PPFIA4: variants seen among roughly 807,000 people sequenced by gnomAD.
The protein encoded by PPFIA4 is liprin-alpha-4.
A neutral mutation model predicts 145.7 loss-of-function variants in PPFIA4; 98 were observed. That is an observed-to-expected ratio of 0.67 (90% confidence interval 0.57 to 0.80). The LOEUF is 0.80. PPFIA4 is among the 30% of genes least tolerant of loss of function. The pLI, the probability that PPFIA4 is intolerant of heterozygous loss-of-function variation, is 0.00. For synonymous variants in PPFIA4, 628 were observed against 649.6 expected, an observed-to-expected ratio of 0.97 and a Z score of 0.51; for missense variants, 1,457 against 1,632.7, an observed-to-expected ratio of 0.89 and a Z score of 1.85.
Position 203,076,343 on chromosome 1 carries a change from C to G in PPFIA4, c.3577C>G (p.His1193Asp). The G allele has an allele frequency of 1.9e-6, 3 of 1,605,794 alleles. No homozygotes were observed. Among genetic ancestry groups the G allele is most frequent in the Non-Finnish European group, 2.5e-6 (3 of 1,179,728 alleles). The change falls in exon 30 of 30, where the codon CAC becomes GAC. Residue 1193 changes from histidine to aspartate, a missense_variant and splice_region_variant. By Grantham distance (81) the His-to-Asp change is moderately conservative. Coordinates refer to ENST00000295706, the MANE Select transcript of PPFIA4 (RefSeq NM_001304331.2). ...GCCTGTCTCTCTCTCTCCCTCAGCT[C>G]ACTCCCACTATCTCTACGGACACAT... ...APPKKIMPEAHSHYLYGHMLS... is the reference protein window; with the variant it reads ...APPKKIMPEADSHYLYGHMLS...
At chr1:203,061,582 C>T in intron 23 of PPFIA4, 70 bp from the exon 24 acceptor site, 2 of 1,470,328 alleles carry the variant, frequency 1.4e-6, no homozygotes, top group Non-Finnish European at 1.8e-6. Flanking sequence ...CTTGATGGGG[C>T]CTAGGGTAGA....
intron 13 of PPFIA4, chr1:203,051,490 G>A (rs896828955): frequency 2.8e-5 from 18 of 640,466 alleles, no homozygotes; most frequent in Middle Eastern, 4.9e-4. Flanking sequence ...CAGTTGCATC[G>A]TAAGCCAACT....
rs1662685056 is a variant in PPFIA4, at chr1:203,078,539, G to A, written c.*2149G>A. 1 of 152,556 alleles carries A rather than the reference G, an allele frequency of 6.6e-6. No individual in the cohort carries two copies. Among genetic ancestry groups the A allele is most frequent in the South Asian group, 2.1e-4 (1 of 4,820 alleles). The allele number at this position is 152,556 out of a possible 1,614,324, so 9.5% of individuals were successfully genotyped here. ...AGGCTGTTGTCTTGGTGTATCCCTT[G>A]CCTCATAGTCAATATATTTTTTTTT... On this transcript the variant is annotated 3_prime_UTR_variant, in exon 30 of 30. Transcript: ENST00000295706.
At position 203,056,844 on chromosome 1, in the gene PPFIA4, CA is replaced by C. The variant is rs779077465; in HGVS notation, c.2303del (p.Lys768ArgfsTer24). On this transcript the variant is annotated frameshift_variant, in exon 19 of 30. Transcript: ENST00000295706. LOFTEE classifies it high-confidence loss of function. ...SSNSSQDSLH[K>X]GAKRKGIKSS... ...GCAACAGCAGCCAGGACTCCCTGCA[CA>C]AGGGCGCCAAGCGCAAGGGCATCAA... 1 of 1,614,064 alleles carries C rather than the reference CA, an allele frequency of 6.2e-7. No individual in the cohort carries two copies. Among genetic ancestry groups the C allele is most frequent in the East Asian group, 2.2e-5 (1 of 44,892 alleles).
In PPFIA4 at chr1:203,048,236, C is replaced by T. The variant is rs377726495; in HGVS notation, c.1150C>T (p.Arg384Trp). The T allele has an allele frequency of 6.4e-5, 104 of 1,612,814 alleles. No individual in the cohort carries two copies. The highest frequency in any genetic ancestry group is 8.1e-5 in the Non-Finnish European group (95 of 1,179,850). ...CCATCCCTGCCCCTAGGCTGAAGAA[C>T]GGCATGGCAACATTGAGGAGCACCT... ...RIAALTKAEE[R>W]HGNIEEHLRQ... The change falls in exon 10 of 30, where the codon CGG (arginine) becomes TGG (tryptophan). Residue 384 changes from arginine to tryptophan, a missense_variant. By Grantham distance (101) the Arg-to-Trp change is moderately radical (BLOSUM62 -3). Transcript: ENST00000295706. This position sits in a 1 kb window ranked among gnomAD's most constrained non-coding sequence, Gnocchi z 5.8.
At position 203,052,052 on chromosome 1, in the gene PPFIA4, C is replaced by CCT. The variant is rs1553257079; in HGVS notation, c.1620+176_1620+177insTC. 1.7e-3 allele frequency among the ~76,000 whole-genome samples: 242 copies of CCT among 140,152 alleles called. 11 individuals are homozygous for CCT. Among genetic ancestry groups the CCT allele is most frequent in the African/African-American group, 6.3e-3 (234 of 37,250 alleles). The allele number at this position is 140,152 out of a possible 152,430, so 91.9% of individuals were successfully genotyped here. ...GTCAGCTGCAACAGCTGTGCCCCCC[C>CCT]CCCCGCTTGCCTTGGCCTCCTGGTG... On this transcript the variant is annotated intron_variant, in intron 14 of 29. Transcript: ENST00000295706.
At position 203,045,260 on chromosome 1, in the gene PPFIA4, C is replaced by G. The variant is rs575076562; in HGVS notation, c.667-108C>G. On this transcript the variant is annotated intron_variant, in intron 6 of 29. Transcript: ENST00000295706. ...GAGTGCTGTGATGTTGGGGGCAGAGCCTTGACCTGCTCTGGGTGTGCTGTT... is the reference window on the plus strand; with the variant it reads ...GAGTGCTGTGATGTTGGGGGCAGAGGCTTGACCTGCTCTGGGTGTGCTGTT... 142 of 1,015,236 alleles carry G rather than the reference C, an allele frequency of 1.4e-4. 1 individual carries two copies. In the South Asian group the frequency reaches 2.2e-3, roughly 15 times the overall value. 62.9% of individuals were successfully genotyped at this position (1,015,236 alleles called of 1,614,324 possible). A position where few individuals can be genotyped will look rare whatever the true frequency, so the allele number is the denominator to read the frequency against.
At chr1:203,058,838 G>A (rs1661157893) in intron 19 of PPFIA4, among the ~76,000 whole-genome samples, 1 of 152,134 alleles carries the variant, frequency 6.6e-6, no homozygotes, top group South Asian at 2.1e-4. Flanking sequence ...GCCCACTTGT[G>A]TTTGGGGCTC....
intron 1 of PPFIA4, among the ~76,000 whole-genome samples, chr1:203,031,971 T>A (rs917434837): frequency 2.6e-5 from 4 of 152,080 alleles, no homozygotes; most frequent in Non-Finnish European, 4.4e-5. Context: ...AATGGTTGGC[T>A]CCTGGTGTTA....
At chr1:203,044,487 C>G in intron 5 of PPFIA4, 34 bp downstream of exon 5, 14 of 1,542,078 alleles carry the variant, frequency 9.1e-6, no homozygotes, top group Non-Finnish European at 1.2e-5. Context: ...TCTGCAGCTC[C>G]TGGAAGTCCA....
rs113091507 is a variant in PPFIA4 at position 203,061,614 on chromosome 1, G to C, written c.2848-38G>C. On this transcript the variant is annotated intron_variant, in intron 23 of 29. Coordinates refer to ENST00000295706, the MANE Select transcript of PPFIA4 (RefSeq NM_001304331.2). ...TAGAGCTGATGGGTTTCTTGACTTT[G>C]CCTGTTTCCCCTAACACGCTGCACT... 8 of 1,546,464 alleles carry C rather than the reference G, an allele frequency of 5.2e-6. No individual in the cohort carries two copies. In the African/African-American group the frequency reaches 6.9e-5, roughly 13 times the overall value.
intron 1 of PPFIA4, chr1:203,034,921 G>A (rs1659118413): frequency 2.9e-6 from 1 of 347,330 alleles, no homozygotes; most frequent in Admixed American, 4.0e-5. Context: ...TGTAGACTTG[G>A]TTACATGACG....
At chr1:203,063,706 C>T (rs896613585) in intron 24 of PPFIA4, 122 bp from the exon 25 acceptor site, 12 of 923,644 alleles carry the variant, frequency 1.3e-5, no homozygotes, top group Non-Finnish European at 2.0e-5. Context: ...TTGTATTGGA[C>T]TGCCCTTCCT....
At chr1:203,049,011 T>C in intron 12 of PPFIA4, 31 bp downstream of exon 12, 7 of 1,545,742 alleles carry the variant, frequency 4.5e-6, no homozygotes, top group Non-Finnish European at 6.1e-6. Flanking sequence ...CCGCCCAGCC[T>C]GGGAGGGCCG....
chr1:203,051,755 C>A lies in PPFIA4; in HGVS notation c.1512-14C>A. Reference sequence around the variant, plus strand: ...CTCAGGGCCTGTCTTTTCTCTCCCCCATCACCGCTCAAGGTCGCACATGGG... The same window carrying A: ...CTCAGGGCCTGTCTTTTCTCTCCCCAATCACCGCTCAAGGTCGCACATGGG... On this transcript the variant is annotated splice_polypyrimidine_tract_variant and intron_variant, in intron 13 of 29. Transcript: ENST00000295706. The A allele has an allele frequency of 6.2e-7, 1 of 1,603,256 alleles. No homozygotes were observed. Among genetic ancestry groups the A allele is most frequent in the South Asian group, 1.1e-5 (1 of 88,880 alleles).
chr1:203,071,819 G>A lies in PPFIA4; in HGVS notation c.3393+59G>A. 7.1e-6 allele frequency: 10 copies of A among 1,414,954 alleles called. No individual in the cohort carries two copies. The Admixed American group carries it at 1.5e-4, about 21-fold the overall frequency. The allele number at this position is 1,414,954 out of a possible 1,614,324, so 87.6% of individuals were successfully genotyped here. A position where few individuals can be genotyped will look rare whatever the true frequency, so the allele number is the denominator to read the frequency against. On this transcript the variant is annotated intron_variant, in intron 28 of 29. Coordinates refer to ENST00000295706, the MANE Select transcript of PPFIA4 (RefSeq NM_001304331.2). ...GATTTGGTCATCTTCGTTGGATTGA[G>A]GTTCATGAGTTCTGCCTTCCCTGGG...
Position 203,048,579 on chromosome 1 carries a change from G to A in PPFIA4, c.1225-4G>A, listed in dbSNP as rs1168694282. ...GGCCTGGTGCGAGGCAGACGGCTGT[G>A]CAGGTGCGCCAGCGGGAAAAGATGA... On this transcript the variant is annotated splice_region_variant and splice_polypyrimidine_tract_variant and intron_variant, in intron 10 of 29. Transcript: ENST00000295706. This position sits in a 1 kb window ranked among gnomAD's most constrained non-coding sequence, Gnocchi z 5.8. 6.3e-7 allele frequency: 1 copy of A among 1,576,368 alleles called. No individual in the cohort carries two copies. Among genetic ancestry groups the A allele is most frequent in the South Asian group, 1.2e-5 (1 of 86,024 alleles).
At chr1:203,028,872 C>T (rs146643204) in intron 1 of PPFIA4, among the ~76,000 whole-genome samples, 7 of 152,210 alleles carry the variant, frequency 4.6e-5, no homozygotes, top group African/African-American at 1.4e-4. Flanking sequence ...TGCTAGCTCA[C>T]GGACCTATAA....
At position 203,068,089 on chromosome 1, in the gene PPFIA4, G is replaced by A. The variant is rs1485864002; in HGVS notation, c.3148+297G>A. ...TGTGCCTGTGGAACTTGTTGATCTG[G>A]ATGGGGCTGGATGGGAGATGCAAGT... is the stretch of plus-strand genomic sequence containing the variant. On this transcript the variant is annotated intron_variant, in intron 26 of 29. Coordinates refer to ENST00000295706, the MANE Select transcript of PPFIA4 (RefSeq NM_001304331.2). The surrounding 1 kb of genome is among the most constrained non-coding windows in gnomAD (Gnocchi z 4.7). 6.6e-6 allele frequency among the ~76,000 whole-genome samples: 1 copy of A among 152,194 alleles called. No individual in the cohort carries two copies. The highest frequency in any genetic ancestry group is 2.4e-5 in the African/African-American group (1 of 41,442).
Sources: gnomAD v4.1 joint callset for allele counts (sites outside exome capture counted in the v4.1 genomes callset) on GRCh38, gnomAD v4.1.1 for gene constraint, Gnocchi (gnomAD v3.1) non-coding constraint, MANE v1.5 for transcripts, NCBI Gene and HGNC (gene_info 2026-07-23, HGNC 2026-07-21) for gene names.